Variants in VGF observed in about 807,000 individuals in gnomAD.
VGF encodes neurosecretory protein VGF.
In VGF, 13 loss-of-function variants were observed where a neutral mutation model predicts 41.1. The observed-to-expected ratio is 0.32, with a 90% confidence interval of 0.21 to 0.50. VGF has a LOEUF of 0.50. Ranked by LOEUF, VGF falls within the 20% of genes least tolerant of loss-of-function variation. The pLI is 0.98. For missense variants in VGF, 920 were observed against 882.1 expected (o/e 1.04, Z -0.54); for synonymous variants, 473 against 418.3 (o/e 1.13, Z -1.60).
rs1797174551 is a variant in VGF at position 101,164,229 on chromosome 7, T to A, written c.615A>T (p.Val205=). 4 of 1,576,628 alleles carry A rather than the reference T, an allele frequency of 2.5e-6. No individual in the cohort carries two copies. The highest frequency in any genetic ancestry group is 3.4e-6 in the Non-Finnish European group (4 of 1,163,690). Residue 205 remains valine (V), a synonymous_variant, in exon 2 of 2, where the codon GTA becomes GTT. Coordinates refer to ENST00000249330, the MANE Select transcript of VGF (RefSeq NM_003378.4). Reference sequence around the variant, plus strand: ...GGAACTCTCCCCAGGAAGCGCGCCATACGCGCTCTGGCCCCGGGCTCTCCA... The same window carrying A: ...GGAACTCTCCCCAGGAAGCGCGCCAAACGCGCTCTGGCCCCGGGCTCTCCA... ...VNLESPGPER[V]WRASWGEFQA... is the part of the protein sequence containing the mutation.
chr7:101,169,438 A>T (rs981588304), upstream of VGF, among the ~76,000 whole-genome samples: 5 of 151,988 alleles, frequency 3.3e-5, no homozygotes, highest in African/African-American at 1.2e-4. Context: ...CACATAACAC[A>T]CTGTCCTACA....
chr7:101,163,301 G>C lies in VGF; in HGVS notation c.1543C>G (p.Pro515Ala). The change falls in exon 2 of 2, where the codon CCC becomes GCC. Residue 515 changes from proline (P) to alanine (A), a missense_variant. Physicochemically the swap from Pro to Ala is conservative, Grantham distance 27 (BLOSUM62 -1). Around this residue, in one of 3 missense-constraint regions of VGF, gnomAD observed 257 missense variants for 217.2 expected, o/e 1.18. Coordinates refer to ENST00000249330, the MANE Select transcript of VGF (RefSeq NM_003378.4). This position sits in a 1 kb window ranked among gnomAD's most constrained non-coding sequence, Gnocchi z 5.0. ...SPQPPPPAPA[P>A]ARDELPDWNE... The stretch of plus-strand genomic sequence containing the variant: ...CAGTCCGGCAGCTCGTCTCGTGCGG[G>C]AGCGGGGGCGGGGGGCGGGGGCTGC... 2.7e-6 allele frequency: 4 copies of C among 1,484,402 alleles called. No homozygotes were observed. The highest frequency in any genetic ancestry group is 3.5e-6 in the Non-Finnish European group (4 of 1,128,260). 92.0% of individuals were successfully genotyped at this position (1,484,402 alleles called of 1,614,324 possible). A position where few individuals can be genotyped will look rare whatever the true frequency, so the allele number is the denominator to read the frequency against.
In VGF at chr7:101,164,600, G is replaced by C; in HGVS notation, c.244C>G (p.Leu82Val). Residue 82 changes from leucine (L) to valine (V), a missense_variant, in exon 2 of 2, where the codon CTG becomes GTG. Transcript: ENST00000249330. The stretch of plus-strand genomic sequence containing the variant: ...AGTGCCTGCAGCAGCACCGCGGCCA[G>C]CGCCCGGGGATCCACGCCCTGGAAA... ...ELFQGVDPRA[L>V]AAVLLQALDR... 6.3e-7 allele frequency: 1 copy of C among 1,599,536 alleles called. No individual in the cohort carries two copies. The highest frequency in any genetic ancestry group is 8.5e-7 in the Non-Finnish European group (1 of 1,175,024).
chr7:101,165,441 G>C lies in VGF; in HGVS notation c.-88C>G. The C allele has an allele frequency of 2.0e-6, 2 of 985,476 alleles. No individual in the cohort carries two copies. Among genetic ancestry groups the C allele is most frequent in the Non-Finnish European group, 2.4e-6 (2 of 829,988 alleles). The allele number at this position is 985,476 out of a possible 1,614,324, so 61.0% of individuals were successfully genotyped here. On this transcript the variant is annotated 5_prime_UTR_variant, in exon 1 of 2. Transcript: ENST00000249330. The stretch of plus-strand genomic sequence containing the variant: ...CAGGGTGGGGACAGGGGAAGATCGG[G>C]ACGCGTCCGCCTCGGCTCCGAGCGG...
Position 101,164,435 on chromosome 7 carries a change from G to C in VGF, c.409C>G (p.Pro137Ala). 1 of 1,606,306 alleles carries C rather than the reference G, an allele frequency of 6.2e-7. No homozygotes were observed. The highest frequency in any genetic ancestry group is 8.5e-7 in the Non-Finnish European group (1 of 1,178,374). ...PAPESPEPAA[P>A]PRPQTPENGP... Reference sequence around the variant, plus strand: ...TTCTCCGGAGTCTGAGGGCGAGGCGGAGCCGCGGGCTCCGGGCTCTCCGGC... The same window carrying C: ...TTCTCCGGAGTCTGAGGGCGAGGCGCAGCCGCGGGCTCCGGGCTCTCCGGC... The change falls in exon 2 of 2, where the codon CCG becomes GCG. Residue 137 changes from proline (P) to alanine (A), a missense_variant. Transcript: ENST00000249330.
At chr7:101,165,259 T>G in intron 1 of VGF, 115 bp downstream of exon 1, 1 of 989,856 alleles carries the variant, frequency 1.0e-6, no homozygotes, top group East Asian at 1.1e-4. Context: ...CCGGGGACCC[T>G]TACCAGGGGG....
In VGF at chr7:101,162,726, TG is replaced by T; in HGVS notation, c.*269del. On this transcript the variant is annotated 3_prime_UTR_variant, in exon 2 of 2. Coordinates refer to ENST00000249330, the MANE Select transcript of VGF (RefSeq NM_003378.4). This position sits in a 1 kb window ranked among gnomAD's most constrained non-coding sequence, Gnocchi z 4.2. ...CGGGGACGTCCCCAGAGGGACTTGA[TG>T]GGGCCGGGGCCCCGCGTGGCAAGGG... is the stretch of plus-strand genomic sequence containing the variant. The T allele has an allele frequency of 1.7e-6, 1 of 585,436 alleles. No homozygotes were observed. Among genetic ancestry groups the T allele is most frequent in the Non-Finnish European group, 3.2e-6 (1 of 313,708 alleles). The allele number at this position is 585,436 out of a possible 1,614,324, so 36.3% of individuals were successfully genotyped here.
rs1797176877 is a variant in VGF, at chr7:101,164,303, C to G, written c.541G>C (p.Ala181Pro). Residue 181 changes from alanine to proline, a missense_variant, in exon 2 of 2, where the codon GCG becomes CCG. This residue lies in a region of VGF where 654 missense variants were observed against 638.4 expected (regional missense o/e 1.02). Transcript: ENST00000249330. ...PSSAKRQQET[A>P]AAETETRTHT... ...GTGCGGGTTTCCGTCTCTGCTGCCG[C>G]CGTCTCCTGCTGGCGCTTGGCGCTA... The G allele has an allele frequency of 6.2e-7, 1 of 1,609,446 alleles. No individual in the cohort carries two copies. The highest frequency in any genetic ancestry group is 1.1e-5 in the South Asian group (1 of 91,094).
upstream of VGF, among the ~76,000 whole-genome samples, chr7:101,167,466 C>A (rs967332158): frequency 6.6e-6 from 1 of 152,214 alleles, no homozygotes; most frequent in Non-Finnish European, 1.5e-5. This position sits in a 1 kb window ranked among gnomAD's most constrained non-coding sequence, Gnocchi z 4.2. Context: ...CCCCTCCTTC[C>A]TCTCCCCGCC....
In VGF at chr7:101,163,986, G is replaced by A. The variant is rs1260086103; in HGVS notation, c.858C>T (p.Leu286=). 7 of 1,475,658 alleles carry A rather than the reference G, an allele frequency of 4.7e-6. No homozygotes were observed. The highest frequency in any genetic ancestry group is 5.0e-5 in the East Asian group (2 of 40,290). 91.4% of individuals were successfully genotyped at this position (1,475,658 alleles called of 1,614,324 possible). ...GCTCGCCCGCCTCGGAGCCGCCCAG[G>A]AGTGCGCTCTCCGGCCGGCGCGCCT... ...FPKARRPESA[L]LGGSEAGERL... The change falls in exon 2 of 2, where the codon CTC becomes CTT. Residue 286 remains leucine, a synonymous_variant. Coordinates refer to ENST00000249330, the MANE Select transcript of VGF (RefSeq NM_003378.4). The surrounding 1 kb of genome is among the most constrained non-coding windows in gnomAD (Gnocchi z 5.0).
chr7:101,166,429 C>A (rs1210008042), upstream of VGF, among the ~76,000 whole-genome samples: 1 of 152,042 alleles, frequency 6.6e-6, no homozygotes, highest in Non-Finnish European at 1.5e-5. Flanking sequence ...CCCACACTCC[C>A]CCAGTCGCTT....
upstream of VGF, among the ~76,000 whole-genome samples, chr7:101,167,340 GAAA>G (rs917107679): frequency 1.3e-5 from 2 of 151,044 alleles, no homozygotes; most frequent in Non-Finnish European, 3.0e-5. The surrounding 1 kb of genome is among the most constrained non-coding windows in gnomAD (Gnocchi z 4.2). Flanking sequence ...GGCTAAAGGA[GAAA>G]AAAAAACTGA....
At chr7:101,165,054 A>T in intron 1 of VGF, 191 bp from the exon 2 acceptor site, 1 of 1,274,142 alleles carries the variant, frequency 7.8e-7, no homozygotes, top group Non-Finnish European at 9.9e-7. Flanking sequence ...TGTAAATGGG[A>T]AAATAACCCC....
chr7:101,165,882 T>C (rs1390711731), upstream of VGF, among the ~76,000 whole-genome samples: 1 of 151,730 alleles, frequency 6.6e-6, no homozygotes. Context: ...GATGAATGAA[T>C]GAATGGGAGA....
At chr7:101,165,595 T>A, upstream of VGF, 1 of 985,240 alleles carries the variant, frequency 1.0e-6, no homozygotes, top group Non-Finnish European at 1.2e-6. Context: ...CTCCACCGCC[T>A]TATAAAGGGG....
At chr7:101,164,992 G>A in intron 1 of VGF, 129 bp from the exon 2 acceptor site, 3 of 1,383,406 alleles carry the variant, frequency 2.2e-6, no homozygotes, top group Non-Finnish European at 2.8e-6. Flanking sequence ...TTACCCAGAA[G>A]AGGAACGTTT....
At chr7:101,165,247 T>G in intron 1 of VGF, 127 bp downstream of exon 1, 2 of 989,640 alleles carry the variant, frequency 2.0e-6, no homozygotes, top group East Asian at 1.1e-4. Flanking sequence ...CTCCCCCGTT[T>G]ACCGGGGACC....
chr7:101,163,245 C>T lies in VGF; in HGVS notation c.1599G>A (p.Glu533=), dbSNP rs1163195181. 1 of 1,525,004 alleles carries T rather than the reference C, an allele frequency of 6.6e-7. No homozygotes were observed. The highest frequency in any genetic ancestry group is 1.3e-5 in the South Asian group (1 of 77,464). 94.5% of individuals were successfully genotyped at this position (1,525,004 alleles called of 1,614,324 possible). A position where few individuals can be genotyped will look rare whatever the true frequency, so the allele number is the denominator to read the frequency against. ...GCCCTGGCGGGTACACCTCGTCCTCCTCCCGATCCCAGGGCGGGAGCACCT... is the reference window on the plus strand; with the variant it reads ...GCCCTGGCGGGTACACCTCGTCCTCTTCCCGATCCCAGGGCGGGAGCACCT... The part of the protein sequence containing the change: ...WNEVLPPWDR[E]EDEVYPPGPY... Residue 533 remains glutamate (E), a synonymous_variant, in exon 2 of 2, where the codon GAG becomes GAA. Transcript: ENST00000249330. This position sits in a 1 kb window ranked among gnomAD's most constrained non-coding sequence, Gnocchi z 5.0.
rs200221254 is a variant in VGF at position 101,163,558 on chromosome 7, C to T, written c.1286G>A (p.Arg429Gln). 215 of 1,592,452 alleles carry T rather than the reference C, an allele frequency of 1.4e-4. No individual in the cohort carries two copies. Among genetic ancestry groups the T allele is most frequent in the South Asian group, 4.1e-4 (36 of 88,758 alleles). Reference protein sequence around the residue: ...RSQEETPGHRRKEAEGTEEGG... With the variant: ...RSQEETPGHRQKEAEGTEEGG... Reference sequence around the variant, plus strand: ...CTCCTCTGTCCCCTCGGCCTCCTTCCGCCGGTGGCCCGGCGTCTCCTCCTG... The same window carrying T: ...CTCCTCTGTCCCCTCGGCCTCCTTCTGCCGGTGGCCCGGCGTCTCCTCCTG... Residue 429 changes from arginine (R) to glutamine (Q), a missense_variant, in exon 2 of 2, where the codon CGG becomes CAG. By Grantham distance (43) the Arg-to-Gln change is conservative. This residue lies in a region of VGF where 654 missense variants were observed against 638.4 expected (regional missense o/e 1.02). Transcript: ENST00000249330. This position sits in a 1 kb window ranked among gnomAD's most constrained non-coding sequence, Gnocchi z 5.0.
Sources: gnomAD v4.1 joint callset for allele counts (sites outside exome capture counted in the v4.1 genomes callset) on GRCh38, gnomAD v4.1.1 for gene constraint, gnomAD v4.1.1 regional missense constraint, Gnocchi (gnomAD v3.1) non-coding constraint, MANE v1.5 for transcripts, NCBI Gene and HGNC (gene_info 2026-07-23, HGNC 2026-07-21) for gene names.